The following UBE2D3 variants were observed in gnomAD, a reference collection of about 807,000 sequenced individuals.
The protein encoded by UBE2D3 is ubiquitin conjugating enzyme E2 D3, also known as ubiquitin-conjugating enzyme E2 D3.
UBE2D3 carries 2 observed loss-of-function variants against 22.8 expected under a neutral mutation model. The observed-to-expected ratio is 0.09, with a 90% CI of 0.04 to 0.28. UBE2D3 has a LOEUF of 0.28. UBE2D3 is among the 10% of genes least tolerant of loss of function. The pLI, the probability that UBE2D3 is intolerant of heterozygous loss-of-function variation, is 1.00. For synonymous variants in UBE2D3, 56 were observed against 60.4 expected, an observed-to-expected ratio of 0.93 and a Z score of 0.34; for missense variants, 27 against 182.5, an observed-to-expected ratio of 0.15 and a Z score of 4.91.
At position 102,868,727 on chromosome 4, in the gene UBE2D3, CT is replaced by C. The variant is rs536915148; in HGVS notation, c.-142del. The C allele has an allele frequency of 2.7e-4, 434 of 1,614,104 alleles. 1 individual carries two copies. Among genetic ancestry groups the C allele is most frequent in the Admixed American group, 7.0e-4 (42 of 60,036 alleles). The stretch of plus-strand genomic sequence containing the variant: ...GCAAGAGACTCACTTTTGAAAGGCA[CT>C]TTCGGTTAGAAAGCATTCTCACATG... On this transcript the variant is annotated 5_prime_UTR_variant, in exon 1 of 8. Coordinates refer to the UBE2D3 transcript ENST00000338145.
At chr4:102,822,491 T>A (rs1229296767) in intron 2 of UBE2D3, among the ~76,000 whole-genome samples, 1 of 152,256 alleles carries the variant, frequency 6.6e-6, no homozygotes, top group Non-Finnish European at 1.5e-5. Flanking sequence ...AATCCACTTC[T>A]ACTTTCAAAA....
At chr4:102,812,674 T>C (rs1490309494) in intron 2 of UBE2D3, 2 of 152,254 alleles carry the variant, frequency 1.3e-5, no homozygotes, top group Non-Finnish European at 2.9e-5. Context: ...GGAAAGCTCT[T>C]TCAATGGAGC....
chr4:102,810,769 C>T (rs941870248), intron 2 of UBE2D3: 1 of 151,928 alleles, frequency 6.6e-6, no homozygotes, highest in Non-Finnish European at 1.5e-5. Flanking sequence ...GAATTATCTA[C>T]TATGAAAATA....
At chr4:102,840,662 G>C (rs545833510) in intron 1 of UBE2D3, among the ~76,000 whole-genome samples, 1 of 152,120 alleles carries the variant, frequency 6.6e-6, no homozygotes, top group South Asian at 2.1e-4. Context: ...AGCAGAGTAG[G>C]GTAACTATAG....
At chr4:102,839,021 A>C (rs970007621) in intron 1 of UBE2D3, among the ~76,000 whole-genome samples, 1 of 152,160 alleles carries the variant, frequency 6.6e-6, no homozygotes, top group African/African-American at 2.4e-5. Flanking sequence ...AGATTCAGTA[A>C]AATACTATAG....
chr4:102,797,725 G>A (rs981931768), intron 7 of UBE2D3, among the ~76,000 whole-genome samples: 1 of 151,896 alleles, frequency 6.6e-6, no homozygotes, highest in African/African-American at 2.4e-5. Flanking sequence ...AAAATCAAAA[G>A]ACCCTTTCTT....
intron 6 of UBE2D3, 104 bp from the exon 7 acceptor site, chr4:102,799,604 A>G (rs1281237376): frequency 1.3e-6 from 1 of 762,588 alleles, no homozygotes; most frequent in Non-Finnish European, 2.1e-6. Context: ...GACTTTTATT[A>G]GTTTGTATCT....
chr4:102,794,588 C>T lies in UBE2D3; in HGVS notation c.*2827G>A, dbSNP rs1407806523. On this transcript the variant is annotated 3_prime_UTR_variant, in exon 8 of 8. Coordinates refer to ENST00000453744, the MANE Select transcript of UBE2D3 (RefSeq NM_181891.3). ...CACAAAACATGGCTGAGTTACCCCC[C>T]TCCCCGCCCAAATTACTAACACAGC... 6.6e-6 allele frequency: 1 copy of T among 151,820 alleles called. No homozygotes were observed. Among genetic ancestry groups the T allele is most frequent in the African/African-American group, 2.4e-5 (1 of 41,324 alleles). 9.4% of individuals were successfully genotyped at this position (151,820 alleles called of 1,614,324 possible).
intron 1 of UBE2D3, among the ~76,000 whole-genome samples, chr4:102,863,595 G>T (rs955064082): frequency 2.6e-5 from 4 of 152,126 alleles, no homozygotes; most frequent in Non-Finnish European, 5.9e-5. Context: ...CCGGGTTCAA[G>T]TGATTCTCAT....
At chr4:102,835,451 T>TC (rs1731341772) in intron 1 of UBE2D3, among the ~76,000 whole-genome samples, 1 of 152,210 alleles carries the variant, frequency 6.6e-6, no homozygotes, top group African/African-American at 2.4e-5. Context: ...GGAGGATGAC[T>TC]ATAATATGAA....
At position 102,795,625 on chromosome 4, in the gene UBE2D3, C is replaced by T. The variant is rs1170198382; in HGVS notation, c.*1790G>A. 6.6e-6 allele frequency: 1 copy of T among 152,058 alleles called. No individual in the cohort carries two copies. The highest frequency in any genetic ancestry group is 1.5e-5 in the Non-Finnish European group (1 of 67,924). The allele number at this position is 152,058 out of a possible 1,614,324, so 9.4% of individuals were successfully genotyped here. A position where few individuals can be genotyped will look rare whatever the true frequency, so the allele number is the denominator to read the frequency against. ...ACAAAGCCAGAACATCTTCAGAAGG[C>T]ATGCATTTCACTTCCAGTTTAGAGA... On this transcript the variant is annotated 3_prime_UTR_variant, in exon 8 of 8. Transcript: ENST00000453744.
intron 4 of UBE2D3, among the ~76,000 whole-genome samples, chr4:102,804,953 G>A (rs1418452627): frequency 6.6e-6 from 1 of 152,104 alleles, no homozygotes; most frequent in Non-Finnish European, 1.5e-5. Flanking sequence ...CCAAAGTGTT[G>A]GGATTACAGT....
At chr4:102,819,584 G>GT (rs1729267739) in intron 2 of UBE2D3, 9 of 985,138 alleles carry the variant, frequency 9.1e-6, no homozygotes, top group Non-Finnish European at 9.6e-6. Flanking sequence ...CTATTAAAGC[G>GT]TAACGCCATA....
intron 1 of UBE2D3, among the ~76,000 whole-genome samples, chr4:102,852,248 G>C (rs74864009): frequency 0.012 from 1,807 of 152,262 alleles, 16 homozygotes; most frequent in Non-Finnish European, 0.02. Context: ...GCTAAAAGTA[G>C]CTTGAGTACC....
At chr4:102,799,568 T>C (rs889869678) in intron 6 of UBE2D3, 68 bp from the exon 7 acceptor site, 12 of 1,246,002 alleles carry the variant, frequency 9.6e-6, no homozygotes, top group Admixed American at 4.2e-5. Context: ...TTCTAAACCG[T>C]GTATTACAAA....
intron 2 of UBE2D3, among the ~76,000 whole-genome samples, chr4:102,815,119 C>G (rs1728611731): frequency 6.6e-6 from 1 of 152,120 alleles, no homozygotes; most frequent in Admixed American, 6.5e-5. Context: ...TCTTGGCTCA[C>G]TGCAACCTCT....
At chr4:102,823,985 A>G (rs533660579) in intron 2 of UBE2D3, among the ~76,000 whole-genome samples, 1 of 152,210 alleles carries the variant, frequency 6.6e-6, no homozygotes, top group Non-Finnish European at 1.5e-5. Context: ...ACTTGACCCC[A>G]TATTTCTAGA....
intron 2 of UBE2D3, among the ~76,000 whole-genome samples, chr4:102,824,600 C>T (rs992775357): frequency 7.9e-5 from 12 of 152,230 alleles, no homozygotes; most frequent in African/African-American, 2.9e-4. Flanking sequence ...ACACTCTTAA[C>T]CACTGTTATA....
intron 2 of UBE2D3, chr4:102,825,814 T>G (rs1175540316): frequency 4.4e-6 from 2 of 455,326 alleles, no homozygotes; most frequent in African/African-American, 2.0e-5. Flanking sequence ...TTTACATCAG[T>G]TCCCGGTGTC....
Sources: gnomAD v4.1 joint callset for allele counts (sites outside exome capture counted in the v4.1 genomes callset) on GRCh38, gnomAD v4.1.1 for gene constraint, MANE v1.5 for transcripts, NCBI Gene and HGNC (gene_info 2026-07-23, HGNC 2026-07-21) for gene names.